Variants in CTNNA3 observed in about 807,000 individuals in gnomAD.
CTNNA3 encodes catenin alpha 3, also known as catenin alpha-3.
A neutral mutation model predicts 95.7 loss-of-function variants in CTNNA3; 76 were observed. The ratio of observed to expected loss-of-function variants is 0.79; its 90% confidence interval spans 0.66 to 0.96. The LOEUF (loss-of-function observed/expected upper bound fraction) is 0.96. Ranked by LOEUF, CTNNA3 falls within the 40% of genes least tolerant of loss-of-function variation. CTNNA3 has a pLI of 0.00. For missense variants in CTNNA3, 1,191 were observed against 1,089.8 expected (o/e 1.09, Z -1.31); for synonymous variants, 431 against 374.4 (o/e 1.15, Z -1.74).
At chr10:66,002,918 T>C (rs1421123297) in intron 15 of CTNNA3, among the ~76,000 whole-genome samples, 1 of 152,218 alleles carries the variant, frequency 6.6e-6, no homozygotes, top group African/African-American at 2.4e-5. Flanking sequence ...CCTTTGCACA[T>C]GATCCCAGGG....
intron 1 of CTNNA3, among the ~76,000 whole-genome samples, chr10:67,733,751 CAACTT>C (rs1841288752): frequency 6.6e-6 from 1 of 152,178 alleles, no homozygotes; most frequent in Non-Finnish European, 1.5e-5. Flanking sequence ...CTAGAAAACA[CAACTT>C]AACCCTATTA....
At chr10:66,332,141 G>T (rs2092338212) in intron 12 of CTNNA3, among the ~76,000 whole-genome samples, 2 of 151,990 alleles carry the variant, frequency 1.3e-5, no homozygotes, top group South Asian at 2.1e-4. Context: ...TAAGGAGATT[G>T]TGGGCTGAGA....
intron 1 of CTNNA3, among the ~76,000 whole-genome samples, chr10:67,744,735 A>G (rs1045309935): frequency 6.8e-6 from 1 of 147,598 alleles, no homozygotes; most frequent in Admixed American, 6.6e-5. Flanking sequence ...AATGGGAGAA[A>G]ATTTTTGCAC....
chr10:67,592,293 C>T (rs1454669523), intron 3 of CTNNA3, among the ~76,000 whole-genome samples: 1 of 152,082 alleles, frequency 6.6e-6, no homozygotes, highest in Non-Finnish European at 1.5e-5. Context: ...TACCTTATTC[C>T]TCTTGGTCTC....
At chr10:67,665,794 A>T (rs1263343949) in intron 1 of CTNNA3, 1 of 152,210 alleles carries the variant, frequency 6.6e-6, no homozygotes, top group Non-Finnish European at 1.5e-5. Context: ...GCAGAATCAG[A>T]CCTGAAATTC....
intron 2 of CTNNA3, among the ~76,000 whole-genome samples, chr10:67,639,677 C>A (rs1281742919): frequency 6.6e-6 from 1 of 152,046 alleles, no homozygotes; most frequent in Non-Finnish European, 1.5e-5. Context: ...TGGGCTTCAT[C>A]CCTGGGATGC....
At chr10:67,095,684 A>G (rs1371159320) in intron 7 of CTNNA3, among the ~76,000 whole-genome samples, 2 of 151,846 alleles carry the variant, frequency 1.3e-5, no homozygotes, top group Non-Finnish European at 2.9e-5. Flanking sequence ...GATTCTGCAT[A>G]TATGAGGCAT....
intron 13 of CTNNA3, among the ~76,000 whole-genome samples, chr10:66,162,780 A>T (rs1434790355): frequency 6.6e-6 from 1 of 151,736 alleles, no homozygotes; most frequent in Non-Finnish European, 1.5e-5. Context: ...TCCCAAGGTT[A>T]TATGCCCTTT....
chr10:67,761,263 C>T (rs1029849784), intron 1 of CTNNA3, among the ~76,000 whole-genome samples: 1 of 152,158 alleles, frequency 6.6e-6, no homozygotes, highest in Admixed American at 6.5e-5. Context: ...CTGTAATTAG[C>T]TATGTGAACT....
intron 9 of CTNNA3, among the ~76,000 whole-genome samples, chr10:66,691,022 A>C (rs12254650): frequency 0.18 from 27,072 of 152,096 alleles, 3,053 homozygotes; most frequent in East Asian, 0.33. Context: ...CAGCTCCCAG[A>C]GTGATCGATG....
At chr10:66,285,626 T>G (rs545683214) in intron 12 of CTNNA3, among the ~76,000 whole-genome samples, 1 of 151,968 alleles carries the variant, frequency 6.6e-6, no homozygotes, top group South Asian at 2.1e-4. Flanking sequence ...TGTTCTATGA[T>G]GACCTTTGTT....
intron 7 of CTNNA3, among the ~76,000 whole-genome samples, chr10:67,050,174 G>T (rs1490476242): frequency 6.6e-6 from 1 of 152,198 alleles, no homozygotes; most frequent in Non-Finnish European, 1.5e-5. Context: ...CATGCAGAAT[G>T]CATGTAGAAC....
intron 5 of CTNNA3, among the ~76,000 whole-genome samples, chr10:67,233,959 C>A (rs1865339640): frequency 1.3e-5 from 2 of 152,078 alleles, no homozygotes; most frequent in South Asian, 4.1e-4. Context: ...AAGACTAAAC[C>A]AGGAAGAAGT....
intron 2 of CTNNA3, among the ~76,000 whole-genome samples, chr10:67,612,974 T>C (rs1455763979): frequency 2.0e-5 from 3 of 152,198 alleles, no homozygotes; most frequent in Non-Finnish European, 4.4e-5. Flanking sequence ...TAGAGCCGTC[T>C]CTTGAAAATG....
intron 13 of CTNNA3, among the ~76,000 whole-genome samples, chr10:66,169,897 A>C (rs969795513): frequency 3.9e-5 from 6 of 152,080 alleles, no homozygotes; most frequent in African/African-American, 1.4e-4. Flanking sequence ...AATTTGTTTG[A>C]GTTCCATAGA....
At chr10:66,317,153 A>G (rs898385738) in intron 12 of CTNNA3, among the ~76,000 whole-genome samples, 1 of 152,284 alleles carries the variant, frequency 6.6e-6, no homozygotes, top group African/African-American at 2.4e-5. Context: ...ATAAAATACA[A>G]ATTTTAAGTT....
intron 2 of CTNNA3, among the ~76,000 whole-genome samples, chr10:67,639,050 A>G (rs1405795746): frequency 1.3e-5 from 2 of 152,220 alleles, no homozygotes; most frequent in African/African-American, 4.8e-5. Context: ...AAACCCTTCA[A>G]AAAATTAATG....
intron 11 of CTNNA3, among the ~76,000 whole-genome samples, chr10:66,397,620 T>C (rs374507268): frequency 2.0e-5 from 3 of 151,800 alleles, no homozygotes; most frequent in African/African-American, 7.2e-5. Flanking sequence ...AATTTCAAGA[T>C]AAATAACTCA....
chr10:66,433,818 T>A (rs912625571), intron 11 of CTNNA3, among the ~76,000 whole-genome samples: 8 of 152,196 alleles, frequency 5.3e-5, no homozygotes, highest in African/African-American at 1.9e-4. Flanking sequence ...TTAATGTTTG[T>A]ATTAGGTGTA....
Sources: gnomAD v4.1 joint callset for allele counts (sites outside exome capture counted in the v4.1 genomes callset) on GRCh38, gnomAD v4.1.1 for gene constraint, MANE v1.5 for transcripts, NCBI Gene and HGNC (gene_info 2026-07-23, HGNC 2026-07-21) for gene names.